NTRK2: variants seen among roughly 807,000 people sequenced by gnomAD.
NTRK2 encodes the protein BDNF/NT-3 growth factors receptor.
A neutral mutation model predicts 94.5 loss-of-function variants in NTRK2; 13 were observed. That is an observed-to-expected ratio of 0.14 (90% CI 0.09 to 0.22). The LOEUF (loss-of-function observed/expected upper bound fraction) is 0.22, where lower values mean the gene tolerates loss of function less well. NTRK2 is among the 10% of genes least tolerant of loss of function. The probability of loss-of-function intolerance (pLI) is 1.00; values close to 1 mark genes in which losing one functional copy is unlikely to be tolerated. For missense variants in NTRK2, 639 were observed against 1,071.2 expected, an observed-to-expected ratio of 0.60 and a Z score of 5.63; for synonymous variants, 372 against 407.4, an observed-to-expected ratio of 0.91 and a Z score of 1.05.
At position 84,880,821 on chromosome 9, in the gene NTRK2, T is replaced by G. The variant is rs2076232948; in HGVS notation, c.1633+13390T>G. On this transcript the variant is annotated intron_variant, in intron 14 of 18. Coordinates refer to ENST00000277120, the MANE Select transcript of NTRK2 (RefSeq NM_006180.6). The stretch of plus-strand genomic sequence containing the variant: ...GAACGGCAAGGTTAGCCAAAATGAA[T>G]AATTATTTTCTGACTCAATGTTTAT... Among the ~76,000 whole-genome samples, 3 of 152,260 alleles carry G rather than the reference T, an allele frequency of 2.0e-5. No individual in the cohort carries two copies. The South Asian group carries it at 6.2e-4, about 32-fold the overall frequency.
chr9:84,979,802 C>G (rs1340362904), intron 17 of NTRK2, among the ~76,000 whole-genome samples: 1 of 152,136 alleles, frequency 6.6e-6, no homozygotes, highest in African/African-American at 2.4e-5. Flanking sequence ...CTTTAACAAC[C>G]ACCTGACCAA....
intron 2 of NTRK2, among the ~76,000 whole-genome samples, chr9:84,698,684 T>A (rs2060539696): frequency 6.6e-6 from 1 of 152,216 alleles, no homozygotes; most frequent in Non-Finnish European, 1.5e-5. Flanking sequence ...TTTCATCACA[T>A]CCATAGAAAT....
chr9:84,797,507 A>C lies in NTRK2; in HGVS notation c.1396+45422A>C, dbSNP rs549028638. Among the ~76,000 whole-genome samples, 3 of 117,766 alleles carry C rather than the reference A, an allele frequency of 2.5e-5. No individual in the cohort carries two copies. In the Admixed American group the frequency reaches 3.7e-4, roughly 14 times the overall value. The allele number at this position is 117,766 out of a possible 152,430, so 77.3% of individuals were successfully genotyped here. On this transcript the variant is annotated intron_variant, in intron 12 of 18. Coordinates refer to ENST00000277120, the MANE Select transcript of NTRK2 (RefSeq NM_006180.6). ...TAATGTTTAAGTAAAGTAACATAAT[A>C]ATTACTATTATTATTACTATAATAA...
chr9:84,990,015 T>C (rs778125730), intron 17 of NTRK2, among the ~76,000 whole-genome samples: 4 of 151,492 alleles, frequency 2.6e-5, no homozygotes, highest in Non-Finnish European at 5.9e-5. Context: ...TTGCTGGGGG[T>C]TTTTTGCCTT....
intron 12 of NTRK2, among the ~76,000 whole-genome samples, chr9:84,819,416 A>G (rs558371266): frequency 7.7e-4 from 118 of 152,322 alleles, no homozygotes; most frequent in African/African-American, 2.6e-3. Context: ...GAACTAGGAC[A>G]CAGCCTCTGA....
intron 8 of NTRK2, 140 bp from the exon 9 acceptor site, chr9:84,727,514 T>C (rs986577758): frequency 1.2e-6 from 1 of 805,376 alleles, no homozygotes; most frequent in Non-Finnish European, 2.1e-6. Context: ...AAAATACTGA[T>C]GGATTCCAGA....
chr9:84,858,082 A>C (rs1441181497), intron 12 of NTRK2, among the ~76,000 whole-genome samples: 1 of 152,176 alleles, frequency 6.6e-6, no homozygotes, highest in East Asian at 1.9e-4. Context: ...CACTCCCCTC[A>C]ATTTGCAATC....
At chr9:84,693,831 C>T (rs1219521625) in intron 2 of NTRK2, among the ~76,000 whole-genome samples, 1 of 152,192 alleles carries the variant, frequency 6.6e-6, no homozygotes, top group East Asian at 1.9e-4. Flanking sequence ...TCCTACACTA[C>T]CAATTATTTT....
chr9:84,941,793 C>T (rs944898506), intron 15 of NTRK2, among the ~76,000 whole-genome samples: 1 of 152,158 alleles, frequency 6.6e-6, no homozygotes, highest in Admixed American at 6.5e-5. Context: ...AATTAGTTTC[C>T]TGTACAAAGA....
At chr9:84,979,201 T>C (rs907838929) in intron 17 of NTRK2, among the ~76,000 whole-genome samples, 7 of 152,230 alleles carry the variant, frequency 4.6e-5, no homozygotes, top group Non-Finnish European at 1.0e-4. Context: ...CTGATGGCTC[T>C]GGGCAAAGTC....
At chr9:84,734,232 G>A (rs1373876586) in intron 9 of NTRK2, among the ~76,000 whole-genome samples, 1 of 152,168 alleles carries the variant, frequency 6.6e-6, no homozygotes, top group Non-Finnish European at 1.5e-5. Context: ...CTGAAGTGCC[G>A]ATGCAGTGCC....
At chr9:84,980,533 G>C (rs1177365598) in intron 17 of NTRK2, among the ~76,000 whole-genome samples, 1 of 152,178 alleles carries the variant, frequency 6.6e-6, no homozygotes, top group Admixed American at 6.5e-5. Context: ...GTTACATCCA[G>C]CCTTGAGAAG....
At chr9:84,934,872 A>G (rs1351033896) in intron 15 of NTRK2, among the ~76,000 whole-genome samples, 4 of 152,166 alleles carry the variant, frequency 2.6e-5, no homozygotes, top group Non-Finnish European at 5.9e-5. Context: ...TGGTTTTACT[A>G]AAATGAAGAC....
chr9:84,976,134 C>A lies in NTRK2; in HGVS notation c.2172+20617C>A, dbSNP rs527801089. ...TATGAGTCAGCTTAGCTGCCGTTAA[C>A]AATATGCCATAAGCTGGGAGGCTTA... is the stretch of plus-strand genomic sequence containing the variant. On this transcript the variant is annotated intron_variant, in intron 17 of 18. Coordinates refer to ENST00000277120, the MANE Select transcript of NTRK2 (RefSeq NM_006180.6). 8.5e-5 allele frequency among the ~76,000 whole-genome samples: 13 copies of A among 152,298 alleles called. No individual in the cohort carries two copies. The South Asian group carries it at 2.1e-3, about 24-fold the overall frequency.
At chr9:84,761,467 A>G (rs2065559219) in intron 12 of NTRK2, among the ~76,000 whole-genome samples, 1 of 152,182 alleles carries the variant, frequency 6.6e-6, no homozygotes, top group South Asian at 2.1e-4. Context: ...TGAAAATTGC[A>G]TAAAGACCAG....
chr9:84,793,997 A>G (rs1306098286), intron 12 of NTRK2, among the ~76,000 whole-genome samples: 1 of 152,230 alleles, frequency 6.6e-6, no homozygotes, highest in Admixed American at 6.5e-5. Context: ...TCTTCTATGC[A>G]AAATGGAGTG....
At chr9:84,787,062 T>C (rs13301912) in intron 12 of NTRK2, among the ~76,000 whole-genome samples, 12,987 of 151,558 alleles carry the variant, frequency 0.086, 1,000 homozygotes, top group African/African-American at 0.2. Flanking sequence ...CTTTGGGAGG[T>C]GGAGGCGGAT....
At chr9:84,951,854 C>T (rs1344453512) in intron 16 of NTRK2, among the ~76,000 whole-genome samples, 2 of 152,198 alleles carry the variant, frequency 1.3e-5, no homozygotes, top group African/African-American at 4.8e-5. Flanking sequence ...GCTGTATCAG[C>T]TCTGCCCTAT....
At chr9:84,891,608 T>A (rs1283758911) in intron 14 of NTRK2, among the ~76,000 whole-genome samples, 1 of 152,202 alleles carries the variant, frequency 6.6e-6, no homozygotes, top group South Asian at 2.1e-4. Context: ...TTTTCTCAGC[T>A]GAAAGGTTAG....
Sources: allele counts gnomAD v4.1 joint callset (sites outside exome capture counted in the v4.1 genomes callset), GRCh38; gene constraint gnomAD v4.1.1; transcripts MANE v1.5; gene names NCBI Gene and HGNC (gene_info 2026-07-23, HGNC 2026-07-21).